The following EPHA6 variants were observed in gnomAD, a reference collection of about 807,000 sequenced individuals.
EPHA6 encodes the protein EPH receptor A6.
EPHA6 carries 50 observed loss-of-function variants against 112.0 expected under a neutral mutation model. That is an observed-to-expected ratio of 0.45 (90% confidence interval 0.36 to 0.56). EPHA6 has a LOEUF of 0.56. Among genes scored for constraint, EPHA6 ranks in the 20% least tolerant of loss-of-function variants. The pLI, the probability that EPHA6 is intolerant of heterozygous loss-of-function variation, is 0.00. For missense variants in EPHA6, 1,280 were observed against 1,417.4 expected (o/e 0.90, Z 1.56); for synonymous variants, 529 against 490.7 (o/e 1.08, Z -1.03).
chr3:96,957,057 C>T (rs2041793680), intron 2 of EPHA6, among the ~76,000 whole-genome samples: 1 of 150,838 alleles, frequency 6.6e-6, no homozygotes, highest in South Asian at 2.1e-4. Context: ...AAATCTGAAC[C>T]ACAGTGATGA....
chr3:96,848,461 T>C (rs2035204348), intron 1 of EPHA6, among the ~76,000 whole-genome samples: 1 of 151,918 alleles, frequency 6.6e-6, no homozygotes, highest in Admixed American at 6.6e-5. Flanking sequence ...ACTCCGTCTA[T>C]ACTAAAAATA....
intron 3 of EPHA6, among the ~76,000 whole-genome samples, chr3:97,047,602 A>T (rs890086258): frequency 6.6e-6 from 1 of 151,974 alleles, no homozygotes; most frequent in Admixed American, 6.6e-5. Flanking sequence ...GAAGTCTGGA[A>T]ATAGGAAAAC....
chr3:97,060,949 AAGTC>A (rs2046002174), intron 3 of EPHA6, among the ~76,000 whole-genome samples: 1 of 150,010 alleles, frequency 6.7e-6, no homozygotes, highest in Admixed American at 6.7e-5. Flanking sequence ...AAAAAAAAAA[AAGTC>A]AGCTAACACT....
chr3:97,341,730 A>C (rs1387993237), intron 5 of EPHA6, among the ~76,000 whole-genome samples: 1 of 152,186 alleles, frequency 6.6e-6, no homozygotes, highest in Non-Finnish European at 1.5e-5. Context: ...TTACATATAT[A>C]ATCAAAAACT....
At chr3:97,140,882 G>T (rs1449657632) in intron 3 of EPHA6, among the ~76,000 whole-genome samples, 2 of 151,938 alleles carry the variant, frequency 1.3e-5, no homozygotes, top group Non-Finnish European at 2.9e-5. Context: ...ATATAGACTG[G>T]CAAATAGGAT....
intron 5 of EPHA6, among the ~76,000 whole-genome samples, chr3:97,389,281 G>A (rs746399020): frequency 1.3e-5 from 2 of 152,118 alleles, no homozygotes; most frequent in Non-Finnish European, 2.9e-5. Flanking sequence ...AAACTTTATG[G>A]CATAGGCACT....
At chr3:97,061,800 G>A (rs965173313) in intron 3 of EPHA6, among the ~76,000 whole-genome samples, 3 of 152,090 alleles carry the variant, frequency 2.0e-5, no homozygotes, top group Admixed American at 6.6e-5. Flanking sequence ...CTGCTGAAAC[G>A]CATACTATAG....
intron 11 of EPHA6, among the ~76,000 whole-genome samples, chr3:97,583,452 T>A (rs1284958854): frequency 6.6e-6 from 1 of 151,250 alleles, no homozygotes; most frequent in Non-Finnish European, 1.5e-5. Context: ...GGCAGGAGAA[T>A]GGTGTGAACC....
At chr3:97,055,739 A>T (rs943901785) in intron 3 of EPHA6, among the ~76,000 whole-genome samples, 1 of 152,082 alleles carries the variant, frequency 6.6e-6, no homozygotes, top group South Asian at 2.1e-4. Flanking sequence ...ATTAAATAGC[A>T]TTTTCATATT....
At chr3:97,210,760 A>G (rs72924406) in intron 3 of EPHA6, among the ~76,000 whole-genome samples, 4,179 of 152,256 alleles carry the variant, frequency 0.027, 186 homozygotes, top group African/African-American at 0.092. Context: ...GACAACACTG[A>G]TCATCTATTT....
chr3:97,010,171 A>G, intron 3 of EPHA6: 1 of 1,006,534 alleles, frequency 9.9e-7, no homozygotes, highest in Non-Finnish European at 1.3e-6. Context: ...TTTCATTAAG[A>G]AGACATTGTG....
intron 5 of EPHA6, among the ~76,000 whole-genome samples, chr3:97,345,821 A>G (rs565748780): frequency 7.6e-4 from 116 of 152,228 alleles, no homozygotes; most frequent in African/African-American, 2.6e-3. Context: ...TTCTTTTAGT[A>G]GCTATAGCTG....
intron 7 of EPHA6, among the ~76,000 whole-genome samples, chr3:97,450,559 C>T (rs1331156188): frequency 6.6e-6 from 1 of 151,980 alleles, no homozygotes; most frequent in Non-Finnish European, 1.5e-5. Flanking sequence ...GTAATATTAA[C>T]AAAAATTCTG....
chr3:97,494,083 G>C (rs1347306121), intron 10 of EPHA6, among the ~76,000 whole-genome samples: 2 of 152,148 alleles, frequency 1.3e-5, no homozygotes, highest in African/African-American at 4.8e-5. Context: ...CCTATTATGG[G>C]TTATCTTTGT....
intron 14 of EPHA6, among the ~76,000 whole-genome samples, chr3:97,711,237 C>T (rs1232458922): frequency 6.6e-6 from 1 of 152,120 alleles, no homozygotes; most frequent in Non-Finnish European, 1.5e-5. Context: ...TAAGACGTAA[C>T]TTGCTCCTCC....
chr3:97,082,214 T>C (rs1182990621), intron 3 of EPHA6, among the ~76,000 whole-genome samples: 1 of 151,902 alleles, frequency 6.6e-6, no homozygotes, highest in East Asian at 1.9e-4. Context: ...TGATTTCACA[T>C]TTTGCACTTT....
intron 2 of EPHA6, among the ~76,000 whole-genome samples, chr3:96,882,730 C>CTGTGTGTGTGTGTGTGTG (rs1207060710): frequency 3.1e-5 from 4 of 129,240 alleles, no homozygotes; most frequent in South Asian, 5.1e-4. Flanking sequence ...CATTGTGTGT[C>CTGTGTGTGTGTGTGTGTG]TGTGTGTGTG....
chr3:97,063,666 A>G (rs956858664), intron 3 of EPHA6, among the ~76,000 whole-genome samples: 14 of 152,208 alleles, frequency 9.2e-5, no homozygotes, highest in African/African-American at 3.4e-4. Context: ...CTATGAAACA[A>G]ACCTTCACGT....
At chr3:97,041,160 A>T (rs1660485662) in intron 3 of EPHA6, among the ~76,000 whole-genome samples, 1 of 152,178 alleles carries the variant, frequency 6.6e-6, no homozygotes, top group Admixed American at 6.6e-5. Context: ...GAAATCAATT[A>T]TTCCAACTCT....
Sources: allele counts gnomAD v4.1 joint callset (sites outside exome capture counted in the v4.1 genomes callset), GRCh38; gene constraint gnomAD v4.1.1; transcripts MANE v1.5; gene names NCBI Gene and HGNC (gene_info 2026-07-23, HGNC 2026-07-21).